Variants in CACNA2D3 observed in about 807,000 individuals in gnomAD.
The protein encoded by CACNA2D3 is calcium voltage-gated channel auxiliary subunit alpha2delta 3, also known as voltage-dependent calcium channel subunit alpha-2/delta-3.
Under a neutral mutation model 160.6 loss-of-function variants are expected in CACNA2D3, and 60 were observed. The observed-to-expected ratio is 0.37, with a 90% CI of 0.30 to 0.46. The LOEUF (loss-of-function observed/expected upper bound fraction) is 0.46, where lower values mean the gene tolerates loss of function less well. Among genes scored for constraint, CACNA2D3 ranks in the 20% least tolerant of loss-of-function variants. The pLI, the probability that CACNA2D3 is intolerant of heterozygous loss-of-function variation, is 1.00. For synonymous variants in CACNA2D3, 558 were observed against 492.9 expected (o/e 1.13, Z -1.75); for missense variants, 1,205 against 1,365.0 (o/e 0.88, Z 1.85).
chr3:54,258,341 G>A (rs1575349515), intron 2 of CACNA2D3, among the ~76,000 whole-genome samples: 2 of 152,150 alleles, frequency 1.3e-5, no homozygotes, highest in South Asian at 4.1e-4. Context: ...TAGGTCCTGG[G>A]GGTGACCCAA....
chr3:54,215,499 AATT>A (rs1436390978), intron 2 of CACNA2D3, among the ~76,000 whole-genome samples: 3 of 152,140 alleles, frequency 2.0e-5, no homozygotes, highest in Admixed American at 6.5e-5. Context: ...TGCCTATTAA[AATT>A]ATTACACACA....
rs60211098 is a variant in CACNA2D3 at position 54,174,617 on chromosome 3, C to T, written c.204+51023C>T. 2.7e-3 allele frequency among the ~76,000 whole-genome samples: 416 copies of T among 152,274 alleles called. 2 individuals carry two copies. The highest frequency in any genetic ancestry group is 9.6e-3 in the African/African-American group (398 of 41,560). On this transcript the variant is annotated intron_variant, in intron 2 of 37. Coordinates refer to ENST00000474759, the MANE Select transcript of CACNA2D3 (RefSeq NM_018398.3). ...TCAGCTCACTGAAAGCTCCGCCTCC[C>T]GGGTTCGCGCCATTCTCCTGCCTCC... is the stretch of plus-strand genomic sequence containing the variant.
intron 4 of CACNA2D3, among the ~76,000 whole-genome samples, chr3:54,451,397 ACAC>A (rs1343028126): frequency 6.6e-6 from 1 of 151,564 alleles, no homozygotes; most frequent in Admixed American, 6.6e-5. Context: ...CTACAGGCAC[ACAC>A]CACCACGCTC....
chr3:54,464,762 G>A (rs534651463), intron 4 of CACNA2D3, among the ~76,000 whole-genome samples: 37 of 152,272 alleles, frequency 2.4e-4, no homozygotes, highest in Non-Finnish European at 2.8e-4. Flanking sequence ...TTCGGCTAGC[G>A]CACGGTGCGC....
At chr3:54,154,955 A>G (rs866427954) in intron 2 of CACNA2D3, among the ~76,000 whole-genome samples, 3 of 152,380 alleles carry the variant, frequency 2.0e-5, no homozygotes, top group South Asian at 4.1e-4. Context: ...AAAAATTTCA[A>G]TAAAATTATT....
At chr3:54,483,562 C>T (rs547553434) in intron 4 of CACNA2D3, among the ~76,000 whole-genome samples, 5 of 152,226 alleles carry the variant, frequency 3.3e-5, no homozygotes, top group African/African-American at 1.2e-4. Flanking sequence ...ATGGATTTAC[C>T]TTCTTGTATT....
rs75233359 is a variant in CACNA2D3, at chr3:54,188,439, C to T, written c.204+64845C>T. ...TGGGTGCTGAATGTTGTAAGAATAG[C>T]GTTCTCGGCAGAGTCTGTGTTCATG... On this transcript the variant is annotated intron_variant, in intron 2 of 37. Transcript: ENST00000474759. Among the ~76,000 whole-genome samples, 2,182 of 152,294 alleles carry T rather than the reference C, an allele frequency of 0.014. 125 individuals carry two copies. The East Asian group carries it at 0.21, about 14-fold the overall frequency.
chr3:54,882,217 T>C (rs1055386091), intron 21 of CACNA2D3, among the ~76,000 whole-genome samples: 1 of 152,226 alleles, frequency 6.6e-6, no homozygotes, highest in African/African-American at 2.4e-5. Flanking sequence ...TCACTGCCCA[T>C]GAAGCCAGAA....
At chr3:54,226,624 A>C (rs563918449) in intron 2 of CACNA2D3, among the ~76,000 whole-genome samples, 2 of 152,054 alleles carry the variant, frequency 1.3e-5, no homozygotes, top group Admixed American at 6.5e-5. Context: ...TCTTTATAGG[A>C]TATTTGCCCC....
chr3:54,291,212 T>A lies in CACNA2D3; in HGVS notation c.205-29230T>A, dbSNP rs189530132. ...GCTTATGTCAGTTTCCTACTTTACC[T>A]ATCATGAACATATATTACTTGTTTA... On this transcript the variant is annotated intron_variant, in intron 2 of 37. Transcript: ENST00000474759. 4.1e-4 allele frequency among the ~76,000 whole-genome samples: 62 copies of A among 152,338 alleles called. No individual in the cohort carries two copies. In the East Asian group the frequency reaches 9.8e-3, roughly 24 times the overall value.
intron 29 of CACNA2D3, among the ~76,000 whole-genome samples, chr3:54,975,521 C>CAAAAAA (rs55819960): frequency 1.3e-5 from 1 of 77,778 alleles, no homozygotes; most frequent in Non-Finnish European, 2.7e-5. Context: ...ACTTGGTCTC[C>CAAAAAA]AAAAAAAAAA....
intron 12 of CACNA2D3, among the ~76,000 whole-genome samples, chr3:54,762,301 G>C (rs1183138349): frequency 6.6e-6 from 1 of 152,098 alleles, no homozygotes; most frequent in Non-Finnish European, 1.5e-5. Flanking sequence ...GCTTCTCTCT[G>C]ATCCTGGGTC....
chr3:54,185,609 A>AT (rs1000734347), intron 2 of CACNA2D3, among the ~76,000 whole-genome samples: 4 of 152,030 alleles, frequency 2.6e-5, no homozygotes, highest in Non-Finnish European at 4.4e-5. Flanking sequence ...GGATCAACAC[A>AT]TTTTTTCTTT....
chr3:54,917,725 C>T (rs1880827), intron 27 of CACNA2D3, among the ~76,000 whole-genome samples: 68,466 of 152,012 alleles, frequency 0.45, 16,185 homozygotes, highest in East Asian at 0.76. Context: ...CAAATTCTGG[C>T]TCCCCATCCT....
chr3:54,653,792 T>A (rs1699821772), intron 11 of CACNA2D3, among the ~76,000 whole-genome samples: 1 of 152,226 alleles, frequency 6.6e-6, no homozygotes, highest in African/African-American at 2.4e-5. Flanking sequence ...TTTCTCTTCC[T>A]GGGTGTGGCA....
chr3:54,774,209 C>T (rs886978748), intron 13 of CACNA2D3, among the ~76,000 whole-genome samples: 9 of 152,226 alleles, frequency 5.9e-5, no homozygotes, highest in African/African-American at 1.7e-4. Flanking sequence ...AGTTTCTTCT[C>T]GCATCACTAT....
chr3:54,737,037 T>C (rs558179664), intron 11 of CACNA2D3, among the ~76,000 whole-genome samples: 8 of 152,318 alleles, frequency 5.3e-5, no homozygotes, highest in Middle Eastern at 6.8e-3. Flanking sequence ...TTACTCCTTA[T>C]ACCATGATGG....
chr3:54,515,186 G>GTA (rs1701529337), intron 5 of CACNA2D3, among the ~76,000 whole-genome samples: 1 of 141,098 alleles, frequency 7.1e-6, no homozygotes, highest in Non-Finnish European at 1.5e-5. Context: ...GTGTGTGTGT[G>GTA]TGTGTGTGTG....
At chr3:54,745,726 C>G (rs532066994) in intron 11 of CACNA2D3, among the ~76,000 whole-genome samples, 1 of 152,184 alleles carries the variant, frequency 6.6e-6, no homozygotes, top group Non-Finnish European at 1.5e-5. Flanking sequence ...ACACCTGTCT[C>G]CTTCACCTTA....
Sources: gnomAD v4.1 joint callset for allele counts (sites outside exome capture counted in the v4.1 genomes callset) on GRCh38, gnomAD v4.1.1 for gene constraint, MANE v1.5 for transcripts, NCBI Gene and HGNC (gene_info 2026-07-23, HGNC 2026-07-21) for gene names.